Variants in PTH2R observed in about 807,000 individuals in gnomAD.
PTH2R encodes the protein PTH2 receptor.
Under a neutral mutation model 60.3 loss-of-function variants are expected in PTH2R, and 59 were observed. The observed-to-expected ratio is 0.98, with a 90% CI of 0.79 to 1.22. PTH2R has a LOEUF of 1.22. Among genes scored for constraint, PTH2R ranks in the 50% most tolerant of loss-of-function variants. The pLI is 0.00. For synonymous variants in PTH2R, 256 were observed against 243.8 expected (o/e 1.05, Z -0.47); for missense variants, 749 against 682.6 (o/e 1.10, Z -1.08).
intron 2 of PTH2R, among the ~76,000 whole-genome samples, chr2:208,429,323 A>G (rs907195989): frequency 1.8e-4 from 28 of 152,120 alleles, no homozygotes; most frequent in African/African-American, 6.3e-4. Context: ...ATATGCTACT[A>G]TGATGATGAA....
intron 1 of PTH2R, among the ~76,000 whole-genome samples, chr2:208,401,009 A>G (rs777979895): frequency 2.6e-5 from 4 of 152,226 alleles, no homozygotes; most frequent in Non-Finnish European, 4.4e-5. Flanking sequence ...GGTATGATAC[A>G]TGAGAGTTAG....
chr2:208,434,040 G>T (rs61492957), intron 2 of PTH2R, among the ~76,000 whole-genome samples: 2 of 152,146 alleles, frequency 1.3e-5, no homozygotes, highest in Middle Eastern at 3.2e-3. Context: ...TTGGCCAGGC[G>T]CAGTGGCTCG....
At chr2:208,456,494 A>G (rs1373610513) in intron 8 of PTH2R, among the ~76,000 whole-genome samples, 1 of 152,202 alleles carries the variant, frequency 6.6e-6, no homozygotes, top group Non-Finnish European at 1.5e-5. Flanking sequence ...GGGGCTGCAA[A>G]GGACCAAGAA....
Position 208,480,992 on chromosome 2 carries a change from A to C in PTH2R, c.982-78A>C. ...GCAATTTTTCTTATTTGAATGGAAA[A>C]AATTTCAATTTATGTAAATGTTTAT... On this transcript the variant is annotated intron_variant, in intron 9 of 12. Transcript: ENST00000272847. The C allele has an allele frequency of 3.6e-6, 4 of 1,104,088 alleles. No individual in the cohort carries two copies. In the South Asian group the frequency reaches 4.4e-5, roughly 12 times the overall value. 68.4% of individuals were successfully genotyped at this position (1,104,088 alleles called of 1,614,324 possible).
chr2:208,467,426 G>A (rs575009263), intron 9 of PTH2R, among the ~76,000 whole-genome samples: 4 of 152,074 alleles, frequency 2.6e-5, no homozygotes, highest in Admixed American at 2.0e-4. Flanking sequence ...TGCACTACAC[G>A]CAATCTGCTA....
At chr2:208,418,781 C>A (rs1356170514) in intron 1 of PTH2R, among the ~76,000 whole-genome samples, 2 of 152,046 alleles carry the variant, frequency 1.3e-5, no homozygotes, top group Non-Finnish European at 2.9e-5. Flanking sequence ...ATACTCTCTG[C>A]ATTTTGTTTT....
At chr2:208,474,690 C>T (rs1702960902) in intron 9 of PTH2R, among the ~76,000 whole-genome samples, 1 of 152,054 alleles carries the variant, frequency 6.6e-6, no homozygotes, top group Non-Finnish European at 1.5e-5. Flanking sequence ...TTGGAATTTT[C>T]CTTAAAATTG....
rs1338954759 is a variant in PTH2R at position 208,428,261 on chromosome 2, G to A, written c.136G>A (p.Val46Ile). The A allele has an allele frequency of 2.5e-5, 40 of 1,613,498 alleles. No individual in the cohort carries two copies. The highest frequency in any genetic ancestry group is 3.3e-5 in the Non-Finnish European group (39 of 1,179,824). The part of the protein sequence containing the change: ...EQIVLVLKAK[V>I]QCELNITAQL... ...GATTGTCCTTGTGCTGAAAGCGAAA[G>A]TACAATGTGAACTCAACATCACAGC... is the stretch of plus-strand genomic sequence containing the variant. Residue 46 changes from valine to isoleucine, a missense_variant, in exon 2 of 13, where the codon GTA becomes ATA. Coordinates refer to ENST00000272847, the MANE Select transcript of PTH2R (RefSeq NM_005048.4).
intron 8 of PTH2R, among the ~76,000 whole-genome samples, chr2:208,454,762 C>G (rs1702476935): frequency 6.6e-6 from 1 of 152,124 alleles, no homozygotes; most frequent in Non-Finnish European, 1.5e-5. Flanking sequence ...ATTTAATATC[C>G]ACAGATTGTG....
intron 10 of PTH2R, among the ~76,000 whole-genome samples, chr2:208,484,554 T>A (rs1377731203): frequency 6.6e-6 from 1 of 152,116 alleles, no homozygotes; most frequent in Non-Finnish European, 1.5e-5. Flanking sequence ...AAATTACAAC[T>A]CAAACTCAAT....
At chr2:208,480,224 C>T (rs1703115101) in intron 9 of PTH2R, among the ~76,000 whole-genome samples, 2 of 152,206 alleles carry the variant, frequency 1.3e-5, no homozygotes, top group Admixed American at 6.5e-5. Context: ...GACTGCAGGA[C>T]TTGATGGCTT....
At chr2:208,455,725 G>A (rs950978787) in intron 8 of PTH2R, among the ~76,000 whole-genome samples, 40 of 152,110 alleles carry the variant, frequency 2.6e-4, no homozygotes, top group Non-Finnish European at 4.6e-4. Context: ...ACACTCTGGG[G>A]AGAGAACAGA....
At chr2:208,361,185 C>T (rs780742775) in intron 1 of PTH2R, 28 of 155,608 alleles carry the variant, frequency 1.8e-4, no homozygotes, top group Non-Finnish European at 3.6e-4. Flanking sequence ...CCATAGGTCA[C>T]GATGAGGTTA....
intron 9 of PTH2R, among the ~76,000 whole-genome samples, chr2:208,469,308 A>G (rs1702828495): frequency 6.6e-6 from 1 of 152,220 alleles, no homozygotes; most frequent in Non-Finnish European, 1.5e-5. Flanking sequence ...ATGCTAACAA[A>G]GAAACTATTT....
At chr2:208,429,356 A>G (rs1481820128) in intron 2 of PTH2R, among the ~76,000 whole-genome samples, 1 of 152,152 alleles carries the variant, frequency 6.6e-6, no homozygotes, top group East Asian at 1.9e-4. Context: ...TCATTGAAAA[A>G]TTCACTGGAT....
intron 1 of PTH2R, among the ~76,000 whole-genome samples, chr2:208,375,616 C>T (rs1018059806): frequency 6.6e-6 from 1 of 152,052 alleles, no homozygotes; most frequent in Non-Finnish European, 1.5e-5. Flanking sequence ...CTTTCTTATC[C>T]CCAGAGCAAC....
intron 6 of PTH2R, 119 bp from the exon 7 acceptor site, chr2:208,444,615 G>A: frequency 4.2e-6 from 4 of 941,990 alleles, no homozygotes; most frequent in Non-Finnish European, 6.3e-6. Flanking sequence ...ACTTTACTGT[G>A]TAAAGGAGAC....
intron 8 of PTH2R, among the ~76,000 whole-genome samples, chr2:208,456,103 G>A (rs150618445): frequency 2.7e-3 from 410 of 152,090 alleles, no homozygotes; most frequent in African/African-American, 8.9e-3. Flanking sequence ...TTAGCTGGGC[G>A]TGGTGGTGCG....
chr2:208,406,699 G>T (rs1701415932), upstream of PTH2R: 1 of 206,870 alleles, frequency 4.8e-6, no homozygotes, highest in Non-Finnish European at 9.6e-6. Flanking sequence ...GAGGAGGAGC[G>T]CGAGCGCAGC....
Sources: allele counts gnomAD v4.1 joint callset (sites outside exome capture counted in the v4.1 genomes callset), GRCh38; gene constraint gnomAD v4.1.1; transcripts MANE v1.5; gene names NCBI Gene and HGNC (gene_info 2026-07-23, HGNC 2026-07-21).